Variants in PDZD8 observed in about 807,000 individuals in gnomAD.
The protein encoded by PDZD8 is PDZ domain-containing protein 8.
PDZD8 carries 14 observed loss-of-function variants against 85.8 expected under a neutral mutation model. The observed-to-expected ratio is 0.16, with a 90% CI of 0.11 to 0.26. The LOEUF is 0.26. Among genes scored for constraint, PDZD8 ranks in the 10% least tolerant of loss-of-function variants. The pLI is 1.00. For synonymous variants in PDZD8, 592 were observed against 568.6 expected (o/e 1.04, Z -0.59); for missense variants, 1,197 against 1,424.3 (o/e 0.84, Z 2.57).
chr10:117,374,375 G>C lies in PDZD8; in HGVS notation c.853C>G (p.Leu285Val), dbSNP rs1420632413. ...GCTCACCTGATCTTGTAATTCGGTA[G>C]GGTGTGCTTGCGCTTGATGATCTTC... ...LKKIIKRKHT[L>V]PNYKIRFKPF... The change falls in exon 1 of 5, where the codon CTA (leucine) becomes GTA (valine). Residue 285 changes from leucine to valine, a missense_variant. Physicochemically the swap from Leu to Val is conservative, Grantham distance 32. Around this residue, in one of 4 missense-constraint regions of PDZD8, gnomAD observed 344 missense variants for 453.6 expected, o/e 0.76. Coordinates refer to ENST00000334464, the MANE Select transcript of PDZD8 (RefSeq NM_173791.5). The surrounding 1 kb of genome is among the most constrained non-coding windows in gnomAD (Gnocchi z 7.8). 2 of 1,614,100 alleles carry C rather than the reference G, an allele frequency of 1.2e-6. No homozygotes were observed. The highest frequency in any genetic ancestry group is 1.7e-6 in the Non-Finnish European group (2 of 1,179,934).
intron 1 of PDZD8, among the ~76,000 whole-genome samples, chr10:117,365,263 T>C (rs1036345941): frequency 8.5e-5 from 13 of 152,298 alleles, no homozygotes; most frequent in Non-Finnish European, 1.6e-4. Flanking sequence ...ATGGTACTAA[T>C]GGTCAATGTA....
intron 2 of PDZD8, among the ~76,000 whole-genome samples, chr10:117,331,409 A>G (rs1844419562): frequency 6.6e-6 from 1 of 152,246 alleles, no homozygotes; most frequent in African/African-American, 2.4e-5. Context: ...AACATGCCAG[A>G]CATTGCACAG....
Position 117,289,561 on chromosome 10 carries a change from ATAACCTGC to A in PDZD8, c.1261+617_1261+624del, listed in dbSNP as rs199874464. 7.2e-5 allele frequency among the ~76,000 whole-genome samples: 11 copies of A among 152,336 alleles called. No individual in the cohort carries two copies. The East Asian group carries it at 1.9e-3, about 27-fold the overall frequency. On this transcript the variant is annotated intron_variant, in intron 4 of 4. Transcript: ENST00000334464. ...TGCTTAGACATTTATATACAAGCAA[ATAACCTGC>A]TATCTTCAGAGAGTTTTTACTGTTA...
chr10:117,284,370 T>A lies in PDZD8; in HGVS notation c.2363A>T (p.Asp788Val), dbSNP rs1360332304. The change falls in exon 5 of 5, where the codon GAC (aspartate) becomes GTC (valine). Residue 788 changes from aspartate to valine, a missense_variant. Physicochemically the swap from Asp to Val is radical, Grantham distance 152 (BLOSUM62 -3). This residue lies in a region of PDZD8 where 418 missense variants were observed against 571.1 expected (regional missense o/e 0.73). Transcript: ENST00000334464. ...KGFNDKFCYG[D>V]ITIHFKYLKE... ...CAAATATTTGAAGTGAATAGTAATG[T>A]CACCATAGCAAAATTTGTCATTGAA... 2.5e-6 allele frequency: 4 copies of A among 1,614,220 alleles called. No individual in the cohort carries two copies. The highest frequency in any genetic ancestry group is 3.4e-6 in the Non-Finnish European group (4 of 1,180,034).
intron 3 of PDZD8, among the ~76,000 whole-genome samples, chr10:117,311,980 G>C (rs1246889128): frequency 6.6e-6 from 1 of 151,944 alleles, no homozygotes; most frequent in Non-Finnish European, 1.5e-5. Flanking sequence ...TGCAGAGGGG[G>C]GAAGAGGAAG....
intron 1 of PDZD8, among the ~76,000 whole-genome samples, chr10:117,366,090 G>T (rs765578266): frequency 6.6e-6 from 1 of 151,958 alleles, no homozygotes; most frequent in Non-Finnish European, 1.5e-5. Flanking sequence ...TAGAGAGAGG[G>T]ATTACCCCCT....
chr10:117,321,450 A>G (rs1184528251), intron 2 of PDZD8, among the ~76,000 whole-genome samples: 3 of 152,190 alleles, frequency 2.0e-5, no homozygotes, highest in African/African-American at 7.2e-5. Flanking sequence ...AAATTTATAC[A>G]GATAGAAAGT....
In PDZD8 at chr10:117,374,971, G is replaced by A. The variant is rs771111112; in HGVS notation, c.257C>T (p.Thr86Ile). The A allele has an allele frequency of 1.9e-6, 3 of 1,605,266 alleles. No individual in the cohort carries two copies. Among genetic ancestry groups the A allele is most frequent in the Middle Eastern group, 1.7e-4 (1 of 6,042 alleles). ...GGATPTAAPE[T>I]PAPPTRETCY... ...AGTCTCCCGCGTCGGCGGGGCGGGG[G>A]TCTCGGGGGCCGCGGTGGGGGTCGC... Residue 86 changes from threonine to isoleucine, a missense_variant, in exon 1 of 5, where the codon ACC (threonine) becomes ATC (isoleucine). This residue lies in a region of PDZD8 where 172 missense variants were observed against 137.8 expected (regional missense o/e 1.25). Transcript: ENST00000334464. This position sits in a 1 kb window ranked among gnomAD's most constrained non-coding sequence, Gnocchi z 7.8.
chr10:117,368,967 T>C (rs528737406), intron 1 of PDZD8, among the ~76,000 whole-genome samples: 2 of 148,516 alleles, frequency 1.3e-5, no homozygotes, highest in African/African-American at 2.5e-5. Flanking sequence ...GCAATTCTCA[T>C]GCCTCAGCAT....
At chr10:117,335,741 C>T (rs1788652840) in intron 2 of PDZD8, among the ~76,000 whole-genome samples, 1 of 152,154 alleles carries the variant, frequency 6.6e-6, no homozygotes, top group South Asian at 2.1e-4. Flanking sequence ...GTACTTGACC[C>T]CCACGTTCCC....
intron 1 of PDZD8, among the ~76,000 whole-genome samples, chr10:117,351,473 G>C (rs1844804567): frequency 6.6e-6 from 1 of 152,140 alleles, no homozygotes. Flanking sequence ...AGTGTTAGAA[G>C]TCAGGATAGT....
intron 1 of PDZD8, among the ~76,000 whole-genome samples, chr10:117,358,263 A>AAT (rs1335082913): frequency 6.6e-6 from 1 of 152,176 alleles, no homozygotes; most frequent in Non-Finnish European, 1.5e-5. Flanking sequence ...TAAGTGAAAT[A>AAT]TCACTATTAT....
intron 3 of PDZD8, among the ~76,000 whole-genome samples, chr10:117,291,963 C>A (rs920319643): frequency 6.6e-6 from 1 of 152,050 alleles, no homozygotes; most frequent in Non-Finnish European, 1.5e-5. Flanking sequence ...ATTCTCCAGT[C>A]CACATTTCTT....
At chr10:117,337,733 T>C (rs536688924) in intron 2 of PDZD8, among the ~76,000 whole-genome samples, 1 of 152,318 alleles carries the variant, frequency 6.6e-6, no homozygotes, top group East Asian at 1.9e-4. Flanking sequence ...GTGGTAGGCA[T>C]TGTGGGTAGT....
At chr10:117,357,359 C>T (rs1844913576) in intron 1 of PDZD8, among the ~76,000 whole-genome samples, 1 of 152,118 alleles carries the variant, frequency 6.6e-6, no homozygotes, top group African/African-American at 2.4e-5. Context: ...TGCACCACTG[C>T]ACTCCAGCCT....
chr10:117,303,886 C>T (rs1340353351), intron 3 of PDZD8, among the ~76,000 whole-genome samples: 8 of 152,212 alleles, frequency 5.3e-5, no homozygotes, highest in African/African-American at 1.9e-4. Context: ...GCCTGGATGC[C>T]CAGGCAAAAG....
intron 3 of PDZD8, among the ~76,000 whole-genome samples, chr10:117,304,522 T>G (rs1341311726): frequency 6.6e-6 from 1 of 152,050 alleles, no homozygotes; most frequent in Non-Finnish European, 1.5e-5. Context: ...GGTTTTGAAA[T>G]GTGAAGACAT....
chr10:117,368,826 T>G lies in PDZD8; in HGVS notation c.872+5530A>C, dbSNP rs542342361. ...TTTTTTTTCTGGCAGAGTGACTTTTTAAAATTCAACATTATATTGACAATG... is the reference window on the plus strand; with the variant it reads ...TTTTTTTTCTGGCAGAGTGACTTTTGAAAATTCAACATTATATTGACAATG... On this transcript the variant is annotated intron_variant, in intron 1 of 4. Coordinates refer to ENST00000334464, the MANE Select transcript of PDZD8 (RefSeq NM_173791.5). Among the ~76,000 whole-genome samples, 764 of 150,740 alleles carry G rather than the reference T, an allele frequency of 5.1e-3. 2 individuals are homozygous for G. The highest frequency in any genetic ancestry group is 8.0e-3 in the Non-Finnish European group (538 of 67,644).
At chr10:117,358,948 A>G (rs1844946526) in intron 1 of PDZD8, among the ~76,000 whole-genome samples, 1 of 152,180 alleles carries the variant, frequency 6.6e-6, no homozygotes, top group Non-Finnish European at 1.5e-5. Flanking sequence ...CCCTTCCACA[A>G]GGAACCACTT....
Sources: allele counts gnomAD v4.1 joint callset (sites outside exome capture counted in the v4.1 genomes callset), GRCh38; gene constraint gnomAD v4.1.1; regional missense constraint gnomAD v4.1.1; non-coding constraint Gnocchi (gnomAD v3.1); transcripts MANE v1.5; gene names NCBI Gene and HGNC (gene_info 2026-07-23, HGNC 2026-07-21).